Variants in KANSL1 observed in about 807,000 individuals in gnomAD.
The protein encoded by KANSL1 is KAT8 regulatory NSL complex subunit 1.
Under a neutral mutation model 103.6 loss-of-function variants are expected in KANSL1, and 22 were observed. The ratio of observed to expected loss-of-function variants is 0.21; its 90% CI spans 0.15 to 0.30. KANSL1 has a LOEUF of 0.30. Ranked by LOEUF, KANSL1 falls within the 10% of genes least tolerant of loss-of-function variation. The probability of loss-of-function intolerance (pLI) is 1.00; values close to 1 mark genes in which losing one functional copy is unlikely to be tolerated. For missense variants in KANSL1, 1,337 were observed against 1,399.8 expected (o/e 0.96, Z 0.72); for synonymous variants, 600 against 527.6 (o/e 1.14, Z -1.88).
chr17:46,169,603 C>G (rs2046178251), intron 2 of KANSL1: 1 of 152,232 alleles, frequency 6.6e-6, no homozygotes, highest in African/African-American at 2.4e-5. Flanking sequence ...AGTAAGCCAG[C>G]CTCTAGCAAA....
At chr17:46,146,847 A>G (rs2044734380) in intron 2 of KANSL1, among the ~76,000 whole-genome samples, 1 of 111,614 alleles carries the variant, frequency 9.0e-6, no homozygotes, top group South Asian at 2.4e-4. Context: ...AAAAAAAAAA[A>G]AAAAAAAAAA....
At chr17:46,211,527 T>C (rs960812218) in intron 1 of KANSL1, among the ~76,000 whole-genome samples, 2 of 152,264 alleles carry the variant, frequency 1.3e-5, no homozygotes, top group Non-Finnish European at 2.9e-5. Flanking sequence ...AAATAGAACA[T>C]ATTTTCTTAT....
chr17:46,187,272 A>G (rs2047078724), intron 1 of KANSL1, among the ~76,000 whole-genome samples: 2 of 152,218 alleles, frequency 1.3e-5, no homozygotes, highest in South Asian at 2.1e-4. Flanking sequence ...TTACCTTCCA[A>G]CTGAATTTAA....
intron 14 of KANSL1, 126 bp downstream of exon 14, chr17:46,031,921 T>G: frequency 7.3e-7 from 1 of 1,360,646 alleles, no homozygotes; most frequent in Non-Finnish European, 1.0e-6. Context: ...GGAGATCAAT[T>G]TAAGTGCAGC....
intron 2 of KANSL1, among the ~76,000 whole-genome samples, chr17:46,109,865 T>G (rs1284214663): frequency 6.6e-6 from 1 of 152,202 alleles, no homozygotes; most frequent in Non-Finnish European, 1.5e-5. Flanking sequence ...CGTATACTCC[T>G]TAAACACACT....
At chr17:46,151,624 T>C (rs1215643715) in intron 2 of KANSL1, among the ~76,000 whole-genome samples, 1 of 152,268 alleles carries the variant, frequency 6.6e-6, no homozygotes, top group Non-Finnish European at 1.5e-5. Context: ...GCTGTACTCC[T>C]TGTAACTAAA....
chr17:46,188,190 T>G (rs1318372185), intron 1 of KANSL1, among the ~76,000 whole-genome samples: 1 of 152,374 alleles, frequency 6.6e-6, no homozygotes, highest in Non-Finnish European at 1.5e-5. Context: ...TTACCTCCTA[T>G]ATCTTCTGAT....
At chr17:46,202,684 C>T (rs1296755713) in intron 1 of KANSL1, among the ~76,000 whole-genome samples, 2 of 152,142 alleles carry the variant, frequency 1.3e-5, no homozygotes, top group Admixed American at 6.5e-5. Flanking sequence ...GCTAAAGGTC[C>T]TGTCTTATCT....
At chr17:46,203,368 T>C (rs538730622) in intron 1 of KANSL1, among the ~76,000 whole-genome samples, 4 of 152,258 alleles carry the variant, frequency 2.6e-5, no homozygotes, top group Non-Finnish European at 5.9e-5. Flanking sequence ...CGGCATTAAA[T>C]GTTTATAACA....
chr17:46,185,186 C>T (rs1382981656), intron 1 of KANSL1, among the ~76,000 whole-genome samples: 2 of 152,214 alleles, frequency 1.3e-5, no homozygotes, highest in Non-Finnish European at 2.9e-5. Context: ...CCCCTACAAG[C>T]AGCACAATGC....
chr17:46,192,151 G>C (rs1486229175), intron 1 of KANSL1, among the ~76,000 whole-genome samples: 1 of 152,166 alleles, frequency 6.6e-6, no homozygotes, highest in Non-Finnish European at 1.5e-5. Context: ...TGGAAAACGA[G>C]GATTTTTAAG....
At chr17:46,120,192 T>C (rs2043218075) in intron 2 of KANSL1, 1 of 152,242 alleles carries the variant, frequency 6.6e-6, no homozygotes, top group Non-Finnish European at 1.5e-5. Context: ...CCCTCTTTCA[T>C]GGAGCCATGT....
chr17:46,094,459 A>G (rs2041977317), intron 3 of KANSL1, 101 bp downstream of exon 3: 1 of 1,352,246 alleles, frequency 7.4e-7, no homozygotes, highest in South Asian at 1.3e-5. Flanking sequence ...TGCAATAGTT[A>G]AGAAGAGGGT....
chr17:46,101,419 T>C (rs2042308132), intron 2 of KANSL1, among the ~76,000 whole-genome samples: 1 of 152,120 alleles, frequency 6.6e-6, no homozygotes, highest in Non-Finnish European at 1.5e-5. Context: ...AATGATGTAA[T>C]CCTAACTGCA....
At position 46,141,127 on chromosome 17, in the gene KANSL1, T is replaced by C. The variant is rs148071729; in HGVS notation, c.1289+29728A>G. 6.5e-4 allele frequency among the ~76,000 whole-genome samples: 99 copies of C among 152,370 alleles called. 2 individuals are homozygous for C. The East Asian group carries it at 0.015, about 23-fold the overall frequency. On this transcript the variant is annotated intron_variant, in intron 2 of 14. Transcript: ENST00000432791. ...ATTAACTAAAGTACTTGTATTTCTC[T>C]TTACAAAACTAAGTTATGTAAGAAC...
At chr17:46,111,568 C>T (rs2042807061) in intron 2 of KANSL1, among the ~76,000 whole-genome samples, 1 of 152,282 alleles carries the variant, frequency 6.6e-6, no homozygotes, top group South Asian at 2.1e-4. Flanking sequence ...CATTATACAA[C>T]AAGTATAATC....
At chr17:46,185,106 C>T (rs1345892982) in intron 1 of KANSL1, among the ~76,000 whole-genome samples, 1 of 152,200 alleles carries the variant, frequency 6.6e-6, no homozygotes, top group African/African-American at 2.4e-5. Context: ...AGATTACAGG[C>T]ATGAGCCGCC....
intron 10 of KANSL1, chr17:46,035,809 T>C (rs1052384494): frequency 6.6e-6 from 1 of 152,048 alleles, no homozygotes; most frequent in African/African-American, 2.4e-5. Context: ...TTGTTGTTAG[T>C]ACCTTCGAGA....
rs1412215385 is a variant in KANSL1, at chr17:46,030,693, AAAGATCAGGATAGGTGGT to A, written c.*765_*782del. The stretch of plus-strand genomic sequence containing the variant: ...GTTAAGTAGTCCTAACCCTACCTTC[AAAGATCAGGATAGGTGGT>A]AAAAATATTCCAAGTGGAAGGACGG... On this transcript the variant is annotated 3_prime_UTR_variant, in exon 15 of 15. Transcript: ENST00000432791. 6.6e-6 allele frequency: 1 copy of A among 152,036 alleles called. No homozygotes were observed. The highest frequency in any genetic ancestry group is 1.5e-5 in the Non-Finnish European group (1 of 68,040). The allele number at this position is 152,036 out of a possible 1,614,324, so 9.4% of individuals were successfully genotyped here.
Sources: allele counts gnomAD v4.1 joint callset (sites outside exome capture counted in the v4.1 genomes callset), GRCh38; gene constraint gnomAD v4.1.1; transcripts MANE v1.5; gene names NCBI Gene and HGNC (gene_info 2026-07-23, HGNC 2026-07-21).